The following FRS2 variants were observed in gnomAD, a reference collection of about 807,000 sequenced individuals.
FRS2 encodes FGFR signalling adaptor.
Under a neutral mutation model 43.9 loss-of-function variants are expected in FRS2, and 8 were observed. The ratio of observed to expected loss-of-function variants is 0.18; its 90% CI spans 0.11 to 0.33. The LOEUF (loss-of-function observed/expected upper bound fraction) is 0.33. Ranked by LOEUF, FRS2 falls within the 10% of genes least tolerant of loss-of-function variation. FRS2 has a pLI of 1.00. For synonymous variants in FRS2, 219 were observed against 220.3 expected, an observed-to-expected ratio of 0.99 and a Z score of 0.05; for missense variants, 534 against 627.6, an observed-to-expected ratio of 0.85 and a Z score of 1.59.
At chr12:69,552,571 G>A (rs1036577050) in intron 3 of FRS2, among the ~76,000 whole-genome samples, 1 of 152,078 alleles carries the variant, frequency 6.6e-6, no homozygotes, top group East Asian at 1.9e-4. Flanking sequence ...GCCTCTGAGT[G>A]TAGTGTCTTA....
At chr12:69,552,529 A>AG (rs1162734975) in intron 3 of FRS2, among the ~76,000 whole-genome samples, 5 of 152,136 alleles carry the variant, frequency 3.3e-5, no homozygotes, top group African/African-American at 1.2e-4. Context: ...CATGAAGTAA[A>AG]GGCCAGGTAC....
chr12:69,539,409 G>T (rs758246016), intron 3 of FRS2, among the ~76,000 whole-genome samples: 1 of 152,084 alleles, frequency 6.6e-6, no homozygotes, highest in Non-Finnish European at 1.5e-5. Context: ...CAAAGTATTT[G>T]CATATACATA....
rs1182584427 is a variant in FRS2, at chr12:69,577,745, C to T, written c.*2790C>T. The T allele has an allele frequency of 1.3e-5, 2 of 152,574 alleles. No individual in the cohort carries two copies. The highest frequency in any genetic ancestry group is 4.8e-5 in the African/African-American group (2 of 41,418). The allele number at this position is 152,574 out of a possible 1,614,324, so 9.5% of individuals were successfully genotyped here. A position where few individuals can be genotyped will look rare whatever the true frequency, so the allele number is the denominator to read the frequency against. ...CTAAAAATGAAAATATGGTGCCTTC[C>T]CTCCCTCCAGGAAGACTGGCAAATA... On this transcript the variant is annotated 3_prime_UTR_variant, in exon 9 of 9. Coordinates refer to ENST00000549921, the MANE Select transcript of FRS2 (RefSeq NM_001278356.2).
At chr12:69,561,518 T>A (rs930101710) in intron 3 of FRS2, among the ~76,000 whole-genome samples, 5 of 152,202 alleles carry the variant, frequency 3.3e-5, no homozygotes, top group Non-Finnish European at 7.3e-5. Flanking sequence ...AGTTTTTTTG[T>A]GCTGTGAAGG....
chr12:69,549,404 A>T (rs529586149), intron 3 of FRS2, among the ~76,000 whole-genome samples: 155 of 147,766 alleles, frequency 1.0e-3, no homozygotes, highest in Non-Finnish European at 2.0e-3. Flanking sequence ...AGTAGTTCAG[A>T]TTTAGTTTAG....
intron 1 of FRS2, among the ~76,000 whole-genome samples, chr12:69,472,077 CTTCCT>C (rs1870349529): frequency 6.6e-6 from 1 of 151,952 alleles, no homozygotes; most frequent in Non-Finnish European, 1.5e-5. Context: ...TCTTTTTCCT[CTTCCT>C]TTCTTTTCTT....
chr12:69,563,628 TGCCTCTGCA>T (rs1450152958), intron 4 of FRS2, among the ~76,000 whole-genome samples: 1 of 152,190 alleles, frequency 6.6e-6, no homozygotes, highest in Non-Finnish European at 1.5e-5. Flanking sequence ...AGCATAATCT[TGCCTCTGCA>T]GCCTCTGCTG....
chr12:69,560,696 A>G (rs1053340082), intron 3 of FRS2, among the ~76,000 whole-genome samples: 1 of 152,216 alleles, frequency 6.6e-6, no homozygotes, highest in Non-Finnish European at 1.5e-5. Context: ...ACAGTAAGGT[A>G]AATTAGTTTG....
intron 1 of FRS2, among the ~76,000 whole-genome samples, chr12:69,526,724 A>C (rs556908309): frequency 7.2e-5 from 11 of 152,000 alleles, no homozygotes; most frequent in African/African-American, 2.4e-4. Context: ...AAAAGTGTAG[A>C]AACTTTTTTT....
intron 3 of FRS2, among the ~76,000 whole-genome samples, chr12:69,534,937 G>A (rs1877134508): frequency 6.6e-6 from 1 of 151,976 alleles, no homozygotes; most frequent in South Asian, 2.1e-4. Flanking sequence ...TATTTATCTT[G>A]GAATAAATGT....
At chr12:69,561,534 T>G (rs1171525436) in intron 3 of FRS2, among the ~76,000 whole-genome samples, 1 of 152,206 alleles carries the variant, frequency 6.6e-6, no homozygotes, top group Non-Finnish European at 1.5e-5. Flanking sequence ...GAAGGGTAAA[T>G]AAATTGACCA....
intron 7 of FRS2, among the ~76,000 whole-genome samples, chr12:69,571,642 A>G (rs1410087665): frequency 6.6e-6 from 1 of 152,122 alleles, no homozygotes; most frequent in East Asian, 1.9e-4. Flanking sequence ...CGGGCAGATC[A>G]CTAGGTCAGG....
intron 1 of FRS2, among the ~76,000 whole-genome samples, chr12:69,494,164 G>A (rs1163049597): frequency 6.6e-6 from 1 of 152,164 alleles, no homozygotes; most frequent in Non-Finnish European, 1.5e-5. Context: ...TGTGCTAGAC[G>A]CTGAGGCTAC....
Position 69,577,280 on chromosome 12 carries a change from G to A in FRS2, c.*2325G>A, listed in dbSNP as rs1441543450. The stretch of plus-strand genomic sequence containing the variant: ...GATTTTAGGTACTATAAGAGTATTA[G>A]GAAAATATATACAACTGGTGTTAAT... On this transcript the variant is annotated 3_prime_UTR_variant, in exon 9 of 9. Transcript: ENST00000549921. The A allele has an allele frequency of 6.6e-6, 1 of 152,032 alleles. No homozygotes were observed. The highest frequency in any genetic ancestry group is 1.5e-5 in the Non-Finnish European group (1 of 67,988). 9.4% of individuals were successfully genotyped at this position (152,032 alleles called of 1,614,324 possible).
intron 3 of FRS2, among the ~76,000 whole-genome samples, chr12:69,554,971 A>G (rs906129739): frequency 6.6e-6 from 1 of 151,902 alleles, no homozygotes; most frequent in African/African-American, 2.4e-5. Flanking sequence ...GGCCTCCTAA[A>G]GTGCTGGGAT....
At chr12:69,539,596 T>G (rs1877678010) in intron 3 of FRS2, among the ~76,000 whole-genome samples, 1 of 152,112 alleles carries the variant, frequency 6.6e-6, no homozygotes, top group Non-Finnish European at 1.5e-5. Context: ...TCAAAAATTC[T>G]CAGAATTTTC....
At chr12:69,478,491 G>A (rs1047134556) in intron 1 of FRS2, among the ~76,000 whole-genome samples, 1 of 152,128 alleles carries the variant, frequency 6.6e-6, no homozygotes, top group Non-Finnish European at 1.5e-5. Context: ...TTAGGAAGAC[G>A]AGAGAGAAGA....
At chr12:69,488,277 C>T (rs1872138209) in intron 1 of FRS2, among the ~76,000 whole-genome samples, 2 of 152,124 alleles carry the variant, frequency 1.3e-5, no homozygotes, top group South Asian at 4.1e-4. Context: ...TGATTGTTGC[C>T]TTAAGAAATT....
chr12:69,563,364 T>C (rs1411483793), intron 4 of FRS2, among the ~76,000 whole-genome samples: 1 of 152,236 alleles, frequency 6.6e-6, no homozygotes, highest in Non-Finnish European at 1.5e-5. Context: ...GCTGTGTCTA[T>C]CCCTCACTCA....
Sources: allele counts gnomAD v4.1 joint callset (sites outside exome capture counted in the v4.1 genomes callset), GRCh38; gene constraint gnomAD v4.1.1; transcripts MANE v1.5; gene names NCBI Gene and HGNC (gene_info 2026-07-23, HGNC 2026-07-21).